CALN1: variants seen among roughly 807,000 people sequenced by gnomAD.
The protein encoded by CALN1 is calcium-binding protein 8.
In CALN1, 17 loss-of-function variants were observed where a neutral mutation model predicts 30.6. The ratio of observed to expected loss-of-function variants is 0.56; its 90% CI spans 0.38 to 0.83. The LOEUF is 0.83. Ranked by LOEUF, CALN1 falls within the 40% of genes least tolerant of loss-of-function variation. CALN1 has a pLI of 0.00. For missense variants in CALN1, 291 were observed against 354.9 expected (o/e 0.82, Z 1.45); for synonymous variants, 156 against 131.4 (o/e 1.19, Z -1.28).
intron 3 of CALN1, among the ~76,000 whole-genome samples, chr7:72,205,436 A>C (rs948576596): frequency 6.7e-6 from 1 of 149,892 alleles, no homozygotes; most frequent in Non-Finnish European, 1.5e-5. Context: ...TCCTGACCTC[A>C]AGTTGATCCA....
chr7:72,344,469 G>A (rs1174720016), intron 2 of CALN1, among the ~76,000 whole-genome samples: 1 of 151,108 alleles, frequency 6.6e-6, no homozygotes, highest in Non-Finnish European at 1.5e-5. Flanking sequence ...CTTTGTATAT[G>A]GGATCCGTGT....
chr7:72,287,441 T>C (rs1798160304), intron 2 of CALN1, among the ~76,000 whole-genome samples: 1 of 122,348 alleles, frequency 8.2e-6, no homozygotes, highest in Non-Finnish European at 1.7e-5. Context: ...ATTAATTTTT[T>C]TTTTTTTTTT....
intron 3 of CALN1, among the ~76,000 whole-genome samples, chr7:72,159,656 C>T (rs1461752694): frequency 2.6e-5 from 4 of 151,952 alleles, no homozygotes; most frequent in Middle Eastern, 3.4e-3. Context: ...AAATTAGCTA[C>T]GCATGGTGGT....
At chr7:72,449,646 G>A (rs1808619105), upstream of CALN1, among the ~76,000 whole-genome samples, 1 of 152,044 alleles carries the variant, frequency 6.6e-6, no homozygotes, top group African/African-American at 2.4e-5. Context: ...GCCAAGGTGG[G>A]AGGATCACGA....
At chr7:71,966,121 T>A (rs537005296) in intron 5 of CALN1, among the ~76,000 whole-genome samples, 1 of 152,330 alleles carries the variant, frequency 6.6e-6, no homozygotes, top group Admixed American at 6.5e-5. Context: ...CAAGACCAGA[T>A]AACAAATAGT....
At chr7:71,987,802 A>G (rs899389578) in intron 5 of CALN1, among the ~76,000 whole-genome samples, 4 of 151,998 alleles carry the variant, frequency 2.6e-5, no homozygotes, top group South Asian at 2.1e-4. Flanking sequence ...TCTCTTTTTT[A>G]TTGTCTCTAA....
At chr7:71,863,480 C>T (rs1466459506) in intron 5 of CALN1, among the ~76,000 whole-genome samples, 1 of 144,480 alleles carries the variant, frequency 6.9e-6, no homozygotes, top group East Asian at 2.1e-4. Flanking sequence ...ATTGCTTGAA[C>T]CTGGGAGGCA....
intron 2 of CALN1, among the ~76,000 whole-genome samples, chr7:72,391,116 G>A (rs1357653362): frequency 6.6e-6 from 1 of 152,100 alleles, no homozygotes; most frequent in African/African-American, 2.4e-5. Flanking sequence ...AGAATTGAGA[G>A]AGGATGGAGT....
At chr7:72,077,643 T>C (rs1377549640) in intron 4 of CALN1, among the ~76,000 whole-genome samples, 2 of 152,176 alleles carry the variant, frequency 1.3e-5, no homozygotes, top group Admixed American at 1.3e-4. Context: ...TTGTTTTCCC[T>C]GGACAAAATC....
chr7:71,845,784 G>C (rs1461150045), intron 5 of CALN1, among the ~76,000 whole-genome samples: 1 of 152,174 alleles, frequency 6.6e-6, no homozygotes, highest in African/African-American at 2.4e-5. Context: ...TCCGGGCACA[G>C]TGGCTCATGC....
At chr7:72,206,613 A>C (rs527263610) in intron 3 of CALN1, among the ~76,000 whole-genome samples, 14 of 151,588 alleles carry the variant, frequency 9.2e-5, no homozygotes, top group Admixed American at 3.9e-4. Context: ...TCTTTTATTT[A>C]TTTCTTTTCT....
At chr7:71,810,795 G>A (rs904840943) in intron 5 of CALN1, among the ~76,000 whole-genome samples, 1 of 151,934 alleles carries the variant, frequency 6.6e-6, no homozygotes, top group Non-Finnish European at 1.5e-5. Flanking sequence ...CATACTTTGT[G>A]TACTTTAGAA....
At chr7:71,992,353 T>A (rs1263305831) in intron 5 of CALN1, among the ~76,000 whole-genome samples, 1 of 151,912 alleles carries the variant, frequency 6.6e-6, no homozygotes, top group African/African-American at 2.4e-5. Context: ...ACTTTCACAT[T>A]TTTTTTTACT....
chr7:71,964,143 C>T (rs1346863824), intron 5 of CALN1, among the ~76,000 whole-genome samples: 2 of 152,206 alleles, frequency 1.3e-5, no homozygotes, highest in Non-Finnish European at 2.9e-5. Context: ...ACGCATTCCC[C>T]TACGGATGGA....
chr7:72,258,422 T>C (rs995785739), intron 3 of CALN1, among the ~76,000 whole-genome samples: 2 of 152,190 alleles, frequency 1.3e-5, no homozygotes, highest in Admixed American at 6.5e-5. Context: ...TTTAGACCGG[T>C]TTCTGATTCA....
chr7:72,341,438 G>A (rs969160697), intron 2 of CALN1, among the ~76,000 whole-genome samples: 1 of 152,176 alleles, frequency 6.6e-6, no homozygotes, highest in African/African-American at 2.4e-5. Flanking sequence ...CACAAGAATC[G>A]CTTGAACCTG....
intron 5 of CALN1, among the ~76,000 whole-genome samples, chr7:71,962,923 C>T (rs935480837): frequency 1.3e-5 from 2 of 152,174 alleles, no homozygotes; most frequent in Non-Finnish European, 2.9e-5. Context: ...AACGCTTACT[C>T]AAATTCTAGT....
At chr7:72,109,486 T>C (rs143879614) in intron 3 of CALN1, among the ~76,000 whole-genome samples, 76 of 152,340 alleles carry the variant, frequency 5.0e-4, no homozygotes, top group Non-Finnish European at 8.8e-4. Context: ...CTCCTCCCCT[T>C]TCTTTCCATC....
rs2115795426 is a variant in CALN1, at chr7:71,785,092, A to G, written c.*2683T>C. ...GCCGTCTCCACGCACTGTGTCCTTC[A>G]GTCCCTGGGTGCCACATGGGGGGTT... On this transcript the variant is annotated 3_prime_UTR_variant, in exon 7 of 7. Transcript: ENST00000395275. 7.7e-6 allele frequency: 3 copies of G among 387,256 alleles called. No individual in the cohort carries two copies. The East Asian group carries it at 1.1e-4, about 14-fold the overall frequency. 24.0% of individuals were successfully genotyped at this position (387,256 alleles called of 1,614,324 possible). A position where few individuals can be genotyped will look rare whatever the true frequency, so the allele number is the denominator to read the frequency against.
Sources: gnomAD v4.1 joint callset for allele counts (sites outside exome capture counted in the v4.1 genomes callset) on GRCh38, gnomAD v4.1.1 for gene constraint, MANE v1.5 for transcripts, NCBI Gene and HGNC (gene_info 2026-07-23, HGNC 2026-07-21) for gene names.